Variants in KCND2 observed in about 807,000 individuals in gnomAD.
KCND2 encodes A-type voltage-gated potassium channel KCND2.
KCND2 carries 16 observed loss-of-function variants against 54.4 expected under a neutral mutation model. The ratio of observed to expected loss-of-function variants is 0.29; its 90% CI spans 0.20 to 0.45. The LOEUF (loss-of-function observed/expected upper bound fraction) is 0.45, where lower values mean the gene tolerates loss of function less well. KCND2 is among the 20% of genes least tolerant of loss of function. KCND2 has a pLI of 1.00. For synonymous variants in KCND2, 317 were observed against 310.7 expected (o/e 1.02, Z -0.21); for missense variants, 486 against 824.2 (o/e 0.59, Z 5.02).
intron 1 of KCND2, among the ~76,000 whole-genome samples, chr7:120,678,370 T>TACGCACACACAC (rs1562906816): frequency 6.9e-6 from 1 of 144,442 alleles, no homozygotes; most frequent in Non-Finnish European, 1.5e-5. Context: ...TATATATATA[T>TACGCACACACAC]ATACGCACAC....
chr7:120,747,708 A>G lies in KCND2; in HGVS notation c.1743A>G (p.Glu581=). The change falls in exon 6 of 6, where the codon GAA becomes GAG. Residue 581 remains glutamate, a synonymous_variant. Coordinates refer to ENST00000331113, the MANE Select transcript of KCND2 (RefSeq NM_012281.3). ...NSRSSLNAKM[E]ECVKLNCEQP... is the part of the protein sequence containing the mutation. ...GATCCAGTTTAAATGCCAAAATGGA[A>G]GAGTGTGTTAAACTAAACTGTGAAC... 6.2e-7 allele frequency: 1 copy of G among 1,612,680 alleles called. No homozygotes were observed. Among genetic ancestry groups the G allele is most frequent in the African/African-American group, 1.3e-5 (1 of 75,004 alleles).
chr7:120,290,137 A>G (rs990568121), intron 1 of KCND2, among the ~76,000 whole-genome samples: 2 of 152,050 alleles, frequency 1.3e-5, no homozygotes, highest in Admixed American at 1.3e-4. Context: ...TGCCTAGAAC[A>G]TTGCTTTGCC....
intron 1 of KCND2, among the ~76,000 whole-genome samples, chr7:120,502,288 C>T (rs1459016498): frequency 6.6e-6 from 1 of 151,982 alleles, no homozygotes; most frequent in Non-Finnish European, 1.5e-5. Context: ...TCTCCTTCCC[C>T]TATGCTAAGC....
At chr7:120,390,480 A>G (rs1022308807) in intron 1 of KCND2, among the ~76,000 whole-genome samples, 1 of 151,910 alleles carries the variant, frequency 6.6e-6, no homozygotes, top group Non-Finnish European at 1.5e-5. Flanking sequence ...TTTTCCCTAT[A>G]TTACAGATAA....
At chr7:120,744,633 G>A (rs1287182226) in intron 4 of KCND2, among the ~76,000 whole-genome samples, 4 of 152,130 alleles carry the variant, frequency 2.6e-5, no homozygotes, top group South Asian at 2.1e-4. Context: ...TTAAAGAGTA[G>A]AATGTTAAAT....
At position 120,748,678 on chromosome 7, in the gene KCND2, A is replaced by AAG. The variant is rs1793036140; in HGVS notation, c.*823_*824dup. 6.6e-6 allele frequency: 1 copy of AAG among 152,448 alleles called. No homozygotes were observed. The highest frequency in any genetic ancestry group is 2.4e-5 in the African/African-American group (1 of 41,460). 9.4% of individuals were successfully genotyped at this position (152,448 alleles called of 1,614,324 possible). On this transcript the variant is annotated 3_prime_UTR_variant, in exon 6 of 6. Transcript: ENST00000331113. ...CTTTCCAGATCCTTATAGATACGGT[A>AAG]AGAGCCACATTCGTAGAAAAACTTC...
At chr7:120,281,930 C>T (rs1055812641) in intron 1 of KCND2, among the ~76,000 whole-genome samples, 1 of 152,178 alleles carries the variant, frequency 6.6e-6, no homozygotes, top group Non-Finnish European at 1.5e-5. Flanking sequence ...CTCTCATCTA[C>T]TAAATGTACC....
chr7:120,646,956 AT>A (rs1793450179), intron 1 of KCND2, among the ~76,000 whole-genome samples: 1 of 152,152 alleles, frequency 6.6e-6, no homozygotes, highest in South Asian at 2.1e-4. Context: ...TTTCGGATCC[AT>A]TTTTCGGATA....
chr7:120,742,656 C>A, intron 4 of KCND2, 54 bp downstream of exon 4: 2 of 1,343,834 alleles, frequency 1.5e-6, no homozygotes, highest in African/African-American at 1.4e-5. Context: ...ATTCCATTTG[C>A]TTTTGTGCAT....
At chr7:120,480,448 A>T (rs958705196) in intron 1 of KCND2, among the ~76,000 whole-genome samples, 3 of 152,192 alleles carry the variant, frequency 2.0e-5, no homozygotes, top group African/African-American at 7.2e-5. Flanking sequence ...GACAATAGAG[A>T]TCAGTTTTCA....
intron 1 of KCND2, among the ~76,000 whole-genome samples, chr7:120,694,220 A>G (rs1177002889): frequency 6.6e-6 from 1 of 152,152 alleles, no homozygotes; most frequent in Non-Finnish European, 1.5e-5. Flanking sequence ...ATTCTGAAAA[A>G]GTTTGGCTCT....
intron 1 of KCND2, among the ~76,000 whole-genome samples, chr7:120,309,933 TC>T (rs1453131899): frequency 6.6e-6 from 1 of 152,220 alleles, no homozygotes; most frequent in Non-Finnish European, 1.5e-5. Context: ...CACACACTGT[TC>T]CTTCTAGCTT....
intron 1 of KCND2, among the ~76,000 whole-genome samples, chr7:120,595,641 G>A (rs1003870203): frequency 6.9e-5 from 10 of 144,402 alleles, no homozygotes; most frequent in African/African-American, 2.5e-4. Flanking sequence ...AAATTACCGT[G>A]TCATTGCTAA....
chr7:120,722,745 T>A (rs921229304), intron 1 of KCND2, among the ~76,000 whole-genome samples: 3 of 151,970 alleles, frequency 2.0e-5, no homozygotes, highest in African/African-American at 4.8e-5. Context: ...GGGAAAAAAA[T>A]TTCAAATTAA....
At chr7:120,329,603 A>G (rs1007294964) in intron 1 of KCND2, among the ~76,000 whole-genome samples, 8 of 152,154 alleles carry the variant, frequency 5.3e-5, no homozygotes, top group African/African-American at 1.7e-4. Context: ...GAGGGCTAAT[A>G]TATCTTTTTC....
intron 1 of KCND2, among the ~76,000 whole-genome samples, chr7:120,648,263 G>T (rs1175032541): frequency 1.3e-5 from 2 of 152,018 alleles, no homozygotes; most frequent in Non-Finnish European, 2.9e-5. Context: ...AGATGGGAAT[G>T]AATGAGTTTG....
At chr7:120,413,820 A>AT (rs76050213) in intron 1 of KCND2, among the ~76,000 whole-genome samples, 9,908 of 150,244 alleles carry the variant, frequency 0.066, 1,069 homozygotes, top group East Asian at 0.53. Flanking sequence ...CTTACTAGGA[A>AT]TTTTTTTTTT....
At chr7:120,690,773 A>G (rs1267560964) in intron 1 of KCND2, among the ~76,000 whole-genome samples, 1 of 152,250 alleles carries the variant, frequency 6.6e-6, no homozygotes, top group Non-Finnish European at 1.5e-5. Flanking sequence ...AGCAATGCAT[A>G]AAAGAGACAA....
intron 1 of KCND2, among the ~76,000 whole-genome samples, chr7:120,514,860 A>G (rs1375590087): frequency 6.6e-6 from 1 of 151,986 alleles, no homozygotes; most frequent in Non-Finnish European, 1.5e-5. Flanking sequence ...CCTGGTTCCT[A>G]ACAGGTCACA....
Sources: allele counts gnomAD v4.1 joint callset (sites outside exome capture counted in the v4.1 genomes callset), GRCh38; gene constraint gnomAD v4.1.1; transcripts MANE v1.5; gene names NCBI Gene and HGNC (gene_info 2026-07-23, HGNC 2026-07-21).